NEB: variants seen among roughly 807,000 people sequenced by gnomAD.
NEB encodes nebulin, also known as nemaline myopathy type 2.
A neutral mutation model predicts 952.2 loss-of-function variants in NEB; 512 were observed. That is an observed-to-expected ratio of 0.54 (90% CI 0.50 to 0.58). The LOEUF (loss-of-function observed/expected upper bound fraction) is 0.58, where lower values mean the gene tolerates loss of function less well. NEB is among the 20% of genes least tolerant of loss of function. The pLI is 0.00. For synonymous variants in NEB, 2,900 were observed against 3,149.8 expected, an observed-to-expected ratio of 0.92 and a Z score of 2.66; for missense variants, 8,428 against 9,231.1, an observed-to-expected ratio of 0.91 and a Z score of 3.56.
chr2:151,525,381 G>A lies in NEB; in HGVS notation c.22162-108C>T, dbSNP rs2288196. ...GAAAATCCATGCTCCCCATTTTGGCGTCAGTCTGGGACTTAGATAAGACCC... is the reference window on the plus strand; with the variant it reads ...GAAAATCCATGCTCCCCATTTTGGCATCAGTCTGGGACTTAGATAAGACCC... On this transcript the variant is annotated intron_variant, in intron 150 of 181. Transcript: ENST00000397345. 479,336 of 793,190 alleles carry A rather than the reference G, an allele frequency of 0.6. 146,868 individuals are homozygous for A. The highest frequency in any genetic ancestry group is 0.71 in the Admixed American group (33,104 of 46,578). The allele number at this position is 793,190 out of a possible 1,614,324, so 49.1% of individuals were successfully genotyped here.
intron 107 of NEB, among the ~76,000 whole-genome samples, chr2:151,574,307 A>T (rs1011970920): frequency 6.6e-6 from 1 of 152,208 alleles, no homozygotes; most frequent in Non-Finnish European, 1.5e-5. Context: ...ATTAGCATCA[A>T]TGAGAATCTC....
chr2:151,720,004 T>C (rs1386859315), intron 9 of NEB, among the ~76,000 whole-genome samples: 1 of 152,118 alleles, frequency 6.6e-6, no homozygotes, highest in Non-Finnish European at 1.5e-5. Flanking sequence ...GATAAATGTT[T>C]ATTAAGTATG....
intron 13 of NEB, among the ~76,000 whole-genome samples, chr2:151,705,163 C>T (rs1427581517): frequency 1.3e-5 from 2 of 152,012 alleles, no homozygotes; most frequent in Admixed American, 6.6e-5. Flanking sequence ...AACAATTAGC[C>T]TTCAAAATTA....
intron 114 of NEB, among the ~76,000 whole-genome samples, chr2:151,566,149 A>G (rs1277433828): frequency 1.3e-5 from 2 of 152,204 alleles, no homozygotes; most frequent in Non-Finnish European, 2.9e-5. Context: ...TCGTCATAAG[A>G]AAAGGCTTAC....
intron 144 of NEB, 131 bp from the exon 145 acceptor site, chr2:151,531,232 T>A (rs973815892): frequency 3.7e-4 from 245 of 661,892 alleles, no homozygotes; most frequent in Non-Finnish European, 5.8e-4. Context: ...GGTGCTTTCA[T>A]GCTCTCTGCT....
At chr2:151,646,258 T>C in intron 54 of NEB, 24 bp from the exon 55 acceptor site, 1 of 1,506,802 alleles carries the variant, frequency 6.6e-7, no homozygotes, top group South Asian at 1.2e-5. Context: ...TAATAATTTT[T>C]CAGTGGTGTT....
At chr2:151,689,888 C>G (rs1435535593) in intron 24 of NEB, 1 of 152,192 alleles carries the variant, frequency 6.6e-6, no homozygotes, top group Non-Finnish European at 1.5e-5. Context: ...CTCCTCTTTA[C>G]TAATTGGGTA....
At chr2:151,716,242 G>C in intron 10 of NEB, 1 of 342,934 alleles carries the variant, frequency 2.9e-6, no homozygotes, top group South Asian at 2.4e-5. Context: ...GGGATCAAGT[G>C]ATTCTCCTGC....
intron 55 of NEB, among the ~76,000 whole-genome samples, chr2:151,645,084 C>T (rs2098937472): frequency 6.6e-6 from 1 of 152,164 alleles, no homozygotes; most frequent in Non-Finnish European, 1.5e-5. Flanking sequence ...TGTTACGGGA[C>T]CACCGTCCTG....
Position 151,547,358 on chromosome 2 carries a change from T to A in NEB, c.20367+71A>T, listed in dbSNP as rs190603389. On this transcript the variant is annotated intron_variant, in intron 133 of 181. Transcript: ENST00000397345. ...AAAAGGCTGTTCAAAGACCACTGGT[T>A]GTTTTAACTGCTGAAAGCAAGCCTG... is the stretch of plus-strand genomic sequence containing the variant. The A allele has an allele frequency of 2.5e-6, 3 of 1,198,688 alleles. No individual in the cohort carries two copies. In the East Asian group the frequency reaches 7.6e-5, roughly 30 times the overall value. The allele number at this position is 1,198,688 out of a possible 1,614,324, so 74.3% of individuals were successfully genotyped here. A position where few individuals can be genotyped will look rare whatever the true frequency, so the allele number is the denominator to read the frequency against.
At position 151,733,168 on chromosome 2, in the gene NEB, A is replaced by G. The variant is rs759857695; in HGVS notation, c.-12T>C. Reference sequence around the variant, plus strand: ...TCGTCATCTGCCATTTTTCCAGAGTAGTAGTGGCACCTACAAACTTTTCAT... The same window carrying G: ...TCGTCATCTGCCATTTTTCCAGAGTGGTAGTGGCACCTACAAACTTTTCAT... On this transcript the variant is annotated 5_prime_UTR_variant, in exon 3 of 182. Transcript: ENST00000397345. 6.2e-6 allele frequency: 10 copies of G among 1,602,838 alleles called. No homozygotes were observed. In the South Asian group the frequency reaches 1.1e-4, roughly 18 times the overall value.
chr2:151,640,009 T>C lies in NEB; in HGVS notation c.8737A>G (p.Ile2913Val). The C allele has an allele frequency of 4.3e-6, 7 of 1,613,996 alleles. No homozygotes were observed. The highest frequency in any genetic ancestry group is 5.1e-6 in the Non-Finnish European group (6 of 1,179,868). The change falls in exon 62 of 182, where the codon ATT becomes GTT. Residue 2913 changes from isoleucine (I) to valine (V), a missense_variant. Ile to Val is a conservative substitution (Grantham distance 29). Coordinates refer to ENST00000397345, the MANE Select transcript of NEB (RefSeq NM_001164508.2). Reference sequence around the variant, plus strand: ...CATTTTTCCACATCCAAAGAGCCAATGGACACCCAGCCAATGCCTCTCATC... The same window carrying C: ...CATTTTTCCACATCCAAAGAGCCAACGGACACCCAGCCAATGCCTCTCATC... ...QWMRGIGWVS[I>V]GSLDVEKCKR... is the part of the protein sequence containing the mutation.
chr2:151,500,716 GC>G (rs2063825687), intron 168 of NEB, among the ~76,000 whole-genome samples: 1 of 148,992 alleles, frequency 6.7e-6, no homozygotes, highest in Non-Finnish European at 1.5e-5. Context: ...TCCCACCTCA[GC>G]CTCCCAAGTA....
At chr2:151,729,322 T>C (rs2099800034) in intron 4 of NEB, among the ~76,000 whole-genome samples, 1 of 152,184 alleles carries the variant, frequency 6.6e-6, no homozygotes, top group Non-Finnish European at 1.5e-5. Context: ...AGAATGGTGA[T>C]AGCCACTGAC....
chr2:151,704,854 G>T (rs1237819900), intron 13 of NEB, among the ~76,000 whole-genome samples: 2 of 152,134 alleles, frequency 1.3e-5, no homozygotes, highest in African/African-American at 4.8e-5. Flanking sequence ...GCTGTAGACC[G>T]GAGCTGTTCC....
intron 114 of NEB, among the ~76,000 whole-genome samples, chr2:151,566,350 G>A (rs1033089229): frequency 2.0e-5 from 3 of 152,254 alleles, no homozygotes; most frequent in South Asian, 2.1e-4. Context: ...CAGCCAACTC[G>A]ACATGAAAAT....
At chr2:151,724,807 G>A (rs772041227) in intron 7 of NEB, 50 bp downstream of exon 7, 3 of 1,472,988 alleles carry the variant, frequency 2.0e-6, no homozygotes, top group Non-Finnish European at 2.8e-6. Flanking sequence ...ACAATGCAGA[G>A]GTGATGCACA....
chr2:151,533,545 C>T lies in NEB; in HGVS notation c.21314G>A (p.Arg7105Lys), dbSNP rs952199733. ...CATCTTGGCACTAGATTTATATTTT[C>T]TCTGTCCATGCAAAGAGCAGTGAAG... ...FKYATQLMNE[R>K]KYKSSAKMFL... The change falls in exon 143 of 182, where the codon AGA becomes AAA. Residue 7105 changes from arginine (R) to lysine (K), a missense_variant and splice_region_variant. Physicochemically the swap from Arg to Lys is conservative, Grantham distance 26. Transcript: ENST00000397345. 3 of 1,546,522 alleles carry T rather than the reference C, an allele frequency of 1.9e-6. No homozygotes were observed. The highest frequency in any genetic ancestry group is 3.9e-5 in the Admixed American group (2 of 50,978).
intron 124 of NEB, 92 bp from the exon 125 acceptor site, chr2:151,555,136 A>AC: frequency 1.2e-6 from 1 of 859,002 alleles, no homozygotes; most frequent in East Asian, 2.6e-5. Flanking sequence ...GAAAAACCCG[A>AC]CTCTGAGATC....
Sources: gnomAD v4.1 joint callset for allele counts (sites outside exome capture counted in the v4.1 genomes callset) on GRCh38, gnomAD v4.1.1 for gene constraint, MANE v1.5 for transcripts, NCBI Gene and HGNC (gene_info 2026-07-23, HGNC 2026-07-21) for gene names.